The following RETREG1 variants were observed in gnomAD, a reference collection of about 807,000 sequenced individuals.
The protein encoded by RETREG1 is family with sequence similarity 134 member B.
In RETREG1, 44 loss-of-function variants were observed where a neutral mutation model predicts 54.8. The ratio of observed to expected loss-of-function variants is 0.80; its 90% CI spans 0.63 to 1.03. RETREG1 has a LOEUF of 1.03. Among genes scored for constraint, RETREG1 ranks in the 50% least tolerant of loss-of-function variants. RETREG1 has a pLI of 0.00. For synonymous variants in RETREG1, 217 were observed against 238.5 expected, an observed-to-expected ratio of 0.91 and a Z score of 0.83; for missense variants, 554 against 605.1, an observed-to-expected ratio of 0.92 and a Z score of 0.89.
chr5:16,534,827 T>G (rs1368787648), intron 3 of RETREG1, among the ~76,000 whole-genome samples: 1 of 152,240 alleles, frequency 6.6e-6, no homozygotes, highest in Non-Finnish European at 1.5e-5. Flanking sequence ...AGGTCTCTGC[T>G]GCCATTTTTC....
intron 3 of RETREG1, among the ~76,000 whole-genome samples, chr5:16,546,149 T>C (rs7716727): frequency 2.6e-5 from 4 of 152,096 alleles, no homozygotes; most frequent in Non-Finnish European, 4.4e-5. Context: ...GTTTTTCCAC[T>C]GCACAAATCT....
At chr5:16,506,759 T>C (rs1338135752) in intron 3 of RETREG1, among the ~76,000 whole-genome samples, 2 of 152,032 alleles carry the variant, frequency 1.3e-5, no homozygotes, top group African/African-American at 4.8e-5. Flanking sequence ...TCTGCACAGA[T>C]AGGGAAAAAA....
intron 3 of RETREG1, among the ~76,000 whole-genome samples, chr5:16,543,074 T>G (rs930509056): frequency 6.6e-6 from 1 of 152,222 alleles, no homozygotes; most frequent in Non-Finnish European, 1.5e-5. Context: ...TTCATACAAA[T>G]GGAATCATAC....
chr5:16,586,521 TC>T (rs1376389653), intron 1 of RETREG1, among the ~76,000 whole-genome samples: 1 of 152,206 alleles, frequency 6.6e-6, no homozygotes, highest in Non-Finnish European at 1.5e-5. Context: ...GATTCCTGGG[TC>T]CCACTCTGGA....
intron 3 of RETREG1, among the ~76,000 whole-genome samples, chr5:16,553,049 C>T (rs1323692519): frequency 6.6e-6 from 1 of 152,212 alleles, no homozygotes; most frequent in Non-Finnish European, 1.5e-5. Flanking sequence ...ATAAATTTTA[C>T]ACAACCTTTC....
intron 3 of RETREG1, among the ~76,000 whole-genome samples, chr5:16,537,258 A>G (rs1741100064): frequency 6.6e-6 from 1 of 152,192 alleles, no homozygotes; most frequent in Non-Finnish European, 1.5e-5. Flanking sequence ...TTTGAGGGTA[A>G]CTTGCCCCAG....
At chr5:16,506,703 T>C (rs1311541124) in intron 3 of RETREG1, among the ~76,000 whole-genome samples, 1 of 152,164 alleles carries the variant, frequency 6.6e-6, no homozygotes, top group African/African-American at 2.4e-5. Context: ...ATCTTTTATT[T>C]CTAGCCTAGC....
intron 3 of RETREG1, among the ~76,000 whole-genome samples, chr5:16,540,633 G>A (rs10053126): frequency 0.094 from 14,308 of 152,244 alleles, 910 homozygotes; most frequent in African/African-American, 0.17. Flanking sequence ...GAAGGAGCAA[G>A]AGAACACTGT....
At chr5:16,520,608 G>A (rs1407110970) in intron 3 of RETREG1, among the ~76,000 whole-genome samples, 4 of 152,188 alleles carry the variant, frequency 2.6e-5, no homozygotes, top group Non-Finnish European at 5.9e-5. Context: ...GATTACAGGC[G>A]TTAGCCACCG....
chr5:16,477,831 C>T, intron 7 of RETREG1, 43 bp from the exon 8 acceptor site: 1 of 1,611,018 alleles, frequency 6.2e-7, no homozygotes, highest in Non-Finnish European at 8.5e-7. Flanking sequence ...TTTTAAACTG[C>T]TGAAGGGAAT....
intron 3 of RETREG1, among the ~76,000 whole-genome samples, chr5:16,516,630 T>A (rs1740364835): frequency 6.6e-6 from 1 of 152,162 alleles, no homozygotes; most frequent in Non-Finnish European, 1.5e-5. Flanking sequence ...ACTGGCCAGG[T>A]CTGTGAATTC....
chr5:16,564,954 T>C (rs534459041), intron 3 of RETREG1, among the ~76,000 whole-genome samples: 2 of 152,254 alleles, frequency 1.3e-5, no homozygotes, highest in East Asian at 3.8e-4. Flanking sequence ...GTACAATTCA[T>C]TTTGTGATGC....
At chr5:16,539,480 C>A (rs1186353775) in intron 3 of RETREG1, among the ~76,000 whole-genome samples, 1 of 152,080 alleles carries the variant, frequency 6.6e-6, no homozygotes, top group South Asian at 2.1e-4. Context: ...CGGGCCCGGT[C>A]GGTCGGAGCG....
At chr5:16,530,957 T>C (rs561346205) in intron 3 of RETREG1, among the ~76,000 whole-genome samples, 39 of 152,146 alleles carry the variant, frequency 2.6e-4, no homozygotes, top group Non-Finnish European at 5.0e-4. Context: ...CTCATCAGAA[T>C]TTCAACATAA....
At chr5:16,508,936 C>T (rs1740075739) in intron 3 of RETREG1, 3 of 1,184,178 alleles carry the variant, frequency 2.5e-6, no homozygotes, top group Non-Finnish European at 3.2e-6. Context: ...GCCCAGCTGC[C>T]CCGCATTCTC....
intron 1 of RETREG1, among the ~76,000 whole-genome samples, chr5:16,602,465 C>T (rs898167900): frequency 5.9e-5 from 9 of 152,100 alleles, no homozygotes; most frequent in African/African-American, 2.2e-4. Context: ...GGACTCTTCC[C>T]AATTCACTGG....
At chr5:16,596,710 C>A (rs1172916176) in intron 1 of RETREG1, among the ~76,000 whole-genome samples, 1 of 152,196 alleles carries the variant, frequency 6.6e-6, no homozygotes, top group Non-Finnish European at 1.5e-5. Flanking sequence ...AAGCCCACAA[C>A]ATCCAGCCAG....
intron 1 of RETREG1, among the ~76,000 whole-genome samples, chr5:16,586,074 G>A (rs1282068468): frequency 1.3e-5 from 2 of 152,100 alleles, no homozygotes; most frequent in Non-Finnish European, 2.9e-5. Flanking sequence ...GGAGCTATAA[G>A]AAAAATGAAT....
chr5:16,559,265 G>A (rs868682048), intron 3 of RETREG1, among the ~76,000 whole-genome samples: 1 of 151,948 alleles, frequency 6.6e-6, no homozygotes, highest in South Asian at 2.1e-4. Flanking sequence ...AGATAGACAG[G>A]CTGAGGACGC....
Sources: allele counts gnomAD v4.1 joint callset (sites outside exome capture counted in the v4.1 genomes callset), GRCh38; gene constraint gnomAD v4.1.1; transcripts MANE v1.5; gene names NCBI Gene and HGNC (gene_info 2026-07-23, HGNC 2026-07-21).